RBFOX1: variants seen among roughly 807,000 people sequenced by gnomAD.
The protein encoded by RBFOX1 is RNA binding fox-1 homolog 1.
Under a neutral mutation model 57.7 loss-of-function variants are expected in RBFOX1, and 8 were observed. That is an observed-to-expected ratio of 0.14 (90% confidence interval 0.08 to 0.25). RBFOX1 has a LOEUF of 0.25. Ranked by LOEUF, RBFOX1 falls within the 10% of genes least tolerant of loss-of-function variation. The pLI is 1.00. For missense variants in RBFOX1, 611 were observed against 548.5 expected, an observed-to-expected ratio of 1.11 and a Z score of -1.14; for synonymous variants, 326 against 222.4, an observed-to-expected ratio of 1.47 and a Z score of -4.15.
At chr16:7,223,013 C>G (rs553880344) in intron 4 of RBFOX1, among the ~76,000 whole-genome samples, 50 of 152,334 alleles carry the variant, frequency 3.3e-4, no homozygotes, top group Admixed American at 1.6e-3. Context: ...TGAGGCTTCT[C>G]TTCCATCTGG....
intron 2 of RBFOX1, among the ~76,000 whole-genome samples, chr16:6,454,977 G>T (rs1186663274): frequency 6.8e-6 from 1 of 147,102 alleles, no homozygotes; most frequent in African/African-American, 2.5e-5. Context: ...CTGCCTCCCA[G>T]GTTCATGCCA....
At chr16:7,485,504 C>T (rs955617548) in intron 4 of RBFOX1, among the ~76,000 whole-genome samples, 1 of 152,132 alleles carries the variant, frequency 6.6e-6, no homozygotes, top group African/African-American at 2.4e-5. Context: ...TGTAACATGA[C>T]AGGGAATGAG....
rs568576774 is a variant in RBFOX1 at position 7,111,797 on chromosome 16, AT to A, written c.27+59707del. Among the ~76,000 whole-genome samples, 75 of 150,226 alleles carry A rather than the reference AT, an allele frequency of 5.0e-4. 2 individuals carry two copies. In the South Asian group the frequency reaches 0.013, roughly 25 times the overall value. ...TTCAAGGTTCTGGCCAATCTATTTG[AT>A]TTTTTTTCCCCCAAAGGAGAGAAGT... On this transcript the variant is annotated intron_variant, in intron 4 of 15. Coordinates refer to ENST00000550418, the MANE Select transcript of RBFOX1 (RefSeq NM_018723.4).
chr16:6,886,676 AC>A, intron 3 of RBFOX1, among the ~76,000 whole-genome samples: 1 of 151,598 alleles, frequency 6.6e-6, no homozygotes, highest in East Asian at 2.0e-4. Flanking sequence ...AATCGCTTGA[AC>A]CCAGCAGGCA....
chr16:5,603,794 C>G (rs2047453704), downstream of RBFOX1, among the ~76,000 whole-genome samples: 1 of 152,182 alleles, frequency 6.6e-6, no homozygotes, highest in African/African-American at 2.4e-5. Flanking sequence ...GGGAATGAGA[C>G]TGAGAAACTT....
intron 4 of RBFOX1, among the ~76,000 whole-genome samples, chr16:7,177,862 G>A (rs986825632): frequency 1.3e-5 from 2 of 152,182 alleles, no homozygotes; most frequent in South Asian, 2.1e-4. Flanking sequence ...AGTTACAAAA[G>A]CAGACAGGAT....
intron 1 of RBFOX1, among the ~76,000 whole-genome samples, chr16:5,461,933 C>A (rs893903989): frequency 1.3e-5 from 2 of 152,056 alleles, no homozygotes; most frequent in African/African-American, 4.8e-5. Flanking sequence ...TTCTACTGAA[C>A]AAAAAATATA....
chr16:7,398,869 G>C (rs765884756), intron 4 of RBFOX1, among the ~76,000 whole-genome samples: 5 of 152,224 alleles, frequency 3.3e-5, no homozygotes, highest in Non-Finnish European at 5.9e-5. Flanking sequence ...AGTGGGGCTA[G>C]AGGGTTCCCT....
At chr16:6,897,630 A>G (rs56169279) in intron 3 of RBFOX1, among the ~76,000 whole-genome samples, 12,088 of 152,040 alleles carry the variant, frequency 0.08, 1,613 homozygotes, top group African/African-American at 0.27. Flanking sequence ...CATCTCTATT[A>G]AAACAAAAAA....
chr16:5,897,663 G>A (rs2058200612), intron 4 of RBFOX1, among the ~76,000 whole-genome samples: 1 of 152,124 alleles, frequency 6.6e-6, no homozygotes, highest in Admixed American at 6.5e-5. Context: ...GGGATAAGGT[G>A]AACAAACCTT....
intron 3 of RBFOX1, among the ~76,000 whole-genome samples, chr16:6,964,429 C>G (rs903421556): frequency 3.9e-5 from 6 of 152,230 alleles, no homozygotes; most frequent in African/African-American, 1.4e-4. Flanking sequence ...CAACTGTGAA[C>G]TTTAATGGAA....
At chr16:6,126,005 T>G (rs2096587024) in intron 1 of RBFOX1, among the ~76,000 whole-genome samples, 1 of 152,212 alleles carries the variant, frequency 6.6e-6, no homozygotes, top group Non-Finnish European at 1.5e-5. Context: ...GAGCTTAGTC[T>G]GATTGTCTTA....
chr16:6,380,956 G>A (rs139416894), intron 2 of RBFOX1, among the ~76,000 whole-genome samples: 4 of 152,270 alleles, frequency 2.6e-5, no homozygotes, highest in African/African-American at 9.6e-5. Flanking sequence ...GTGATTGCTT[G>A]TCTTGGCGAG....
At chr16:6,476,486 G>C (rs189953051) in intron 2 of RBFOX1, among the ~76,000 whole-genome samples, 1 of 152,150 alleles carries the variant, frequency 6.6e-6, no homozygotes, top group African/African-American at 2.4e-5. Flanking sequence ...CCATACTGTA[G>C]TCTATTAAGT....
chr16:6,058,445 C>A (rs2095641620), intron 1 of RBFOX1, among the ~76,000 whole-genome samples: 1 of 152,104 alleles, frequency 6.6e-6, no homozygotes, highest in African/African-American at 2.4e-5. Flanking sequence ...ATTGTTTATG[C>A]TGGTTTAGAT....
At chr16:6,198,090 T>A (rs1464055924) in intron 1 of RBFOX1, among the ~76,000 whole-genome samples, 1 of 152,186 alleles carries the variant, frequency 6.6e-6, no homozygotes, top group Non-Finnish European at 1.5e-5. Flanking sequence ...CTTGTCTACA[T>A]ATTCACCTGG....
intron 3 of RBFOX1, among the ~76,000 whole-genome samples, chr16:6,849,116 A>C (rs1275171524): frequency 1.3e-5 from 2 of 152,130 alleles, no homozygotes; most frequent in Admixed American, 1.3e-4. Context: ...CTCCTTTGTG[A>C]TTTATATATA....
chr16:6,981,426 T>C (rs28783775), intron 3 of RBFOX1, among the ~76,000 whole-genome samples: 5,949 of 152,244 alleles, frequency 0.039, 404 homozygotes, highest in African/African-American at 0.14. Context: ...GACATCATCT[T>C]ATTCTTACTT....
chr16:6,769,053 G>C (rs534092776), intron 3 of RBFOX1, among the ~76,000 whole-genome samples: 2 of 152,054 alleles, frequency 1.3e-5, no homozygotes, highest in African/African-American at 2.4e-5. Context: ...CTGTTTAACA[G>C]TTGATATTGT....
Sources: allele counts gnomAD v4.1 joint callset (sites outside exome capture counted in the v4.1 genomes callset), GRCh38; gene constraint gnomAD v4.1.1; transcripts MANE v1.5; gene names NCBI Gene and HGNC (gene_info 2026-07-23, HGNC 2026-07-21).